Variants in SLC45A1 observed in about 807,000 individuals in gnomAD.
SLC45A1 encodes solute carrier family 45 member 1, also known as proton-associated sugar transporter A.
In SLC45A1, 28 loss-of-function variants were observed where a neutral mutation model predicts 57.6. The ratio of observed to expected loss-of-function variants is 0.49; its 90% CI spans 0.36 to 0.67. SLC45A1 has a LOEUF of 0.67. SLC45A1 is among the 30% of genes least tolerant of loss of function. The pLI is 0.00. For synonymous variants in SLC45A1, 459 were observed against 471.5 expected (o/e 0.97, Z 0.34); for missense variants, 814 against 1,041.5 (o/e 0.78, Z 3.01).
At position 8,324,086 on chromosome 1, in the gene SLC45A1, G is replaced by A. The variant is rs559878623; in HGVS notation, c.-24-220G>A. Among the ~76,000 whole-genome samples the A allele has an allele frequency of 7.2e-5, 11 of 152,228 alleles. 1 individual carries two copies. The South Asian group carries it at 1.2e-3, about 17-fold the overall frequency. On this transcript the variant is annotated intron_variant, in intron 1 of 8. Coordinates refer to ENST00000471889, the MANE Select transcript of SLC45A1 (RefSeq NM_001080397.3). ...AGTTTGAGGTGGGGACCTGCAGGAC[G>A]GGGGTCCTCTCTCTGAGTAGGGAAG...
intron 1 of SLC45A1, among the ~76,000 whole-genome samples, chr1:8,322,118 AC>A (rs1435797348): frequency 2.3e-5 from 1 of 43,700 alleles, no homozygotes; most frequent in Non-Finnish European, 4.3e-5. Flanking sequence ...TGAATTGGTG[AC>A]TGAGTGGGTG....
intron 6 of SLC45A1, among the ~76,000 whole-genome samples, chr1:8,337,467 G>A (rs1392122999): frequency 1.3e-5 from 2 of 152,168 alleles, no homozygotes; most frequent in African/African-American, 2.4e-5. Flanking sequence ...CGCCCGGGCT[G>A]GAGGGCAGTG....
chr1:8,319,094 A>C (rs1639912160), intron 1 of SLC45A1, among the ~76,000 whole-genome samples: 2 of 152,212 alleles, frequency 1.3e-5, no homozygotes, highest in Non-Finnish European at 2.9e-5. Flanking sequence ...CAGCCTGGCC[A>C]ACATGGTGAA....
At position 8,336,315 on chromosome 1, in the gene SLC45A1, C is replaced by T. The variant is rs528741770; in HGVS notation, c.1597+725C>T. ...ATCCCAGCTACTTGGGAGGCTGAGG[C>T]AGGAGAATCGCTTGAACTCGGGAGG... is the stretch of plus-strand genomic sequence containing the variant. On this transcript the variant is annotated intron_variant, in intron 6 of 8. Transcript: ENST00000471889. Among the ~76,000 whole-genome samples, 13 of 151,148 alleles carry T rather than the reference C, an allele frequency of 8.6e-5. No individual in the cohort carries two copies. In the East Asian group the frequency reaches 2.3e-3, roughly 27 times the overall value.
chr1:8,338,122 C>A (rs561328806), intron 7 of SLC45A1, 130 bp downstream of exon 7: 1 of 845,870 alleles, frequency 1.2e-6, no homozygotes, highest in East Asian at 2.7e-5. Context: ...ACGCCACTGT[C>A]TTTCCCGGCT....
At chr1:8,336,881 C>T (rs1011326283) in intron 6 of SLC45A1, among the ~76,000 whole-genome samples, 2 of 152,206 alleles carry the variant, frequency 1.3e-5, no homozygotes, top group Non-Finnish European at 2.9e-5. Flanking sequence ...TCCGCCAGCA[C>T]ATCCATGTCT....
chr1:8,341,226 G>A (rs1437574983), intron 8 of SLC45A1, among the ~76,000 whole-genome samples: 2 of 148,068 alleles, frequency 1.4e-5, no homozygotes, highest in African/African-American at 2.5e-5. Context: ...AGAGTAAGAG[G>A]GACAATGAAT....
In SLC45A1 at chr1:8,335,689, C is replaced by T. The variant is rs1414964487; in HGVS notation, c.1597+99C>T. The T allele has an allele frequency of 7.5e-7, 1 of 1,332,146 alleles. No individual in the cohort carries two copies. Among genetic ancestry groups the T allele is most frequent in the Non-Finnish European group, 1.0e-6 (1 of 995,188 alleles). The allele number at this position is 1,332,146 out of a possible 1,614,324, so 82.5% of individuals were successfully genotyped here. On this transcript the variant is annotated intron_variant, in intron 6 of 8. Transcript: ENST00000471889. This position sits in a 1 kb window ranked among gnomAD's most constrained non-coding sequence, Gnocchi z 4.1. ...GCCCCTGAGCCTCCCTTCCCAGAAC[C>T]TTTCTGAGTTCACCAGCCCCCAACA...
At chr1:8,339,003 C>T (rs182533275) in intron 7 of SLC45A1, among the ~76,000 whole-genome samples, 2 of 152,248 alleles carry the variant, frequency 1.3e-5, no homozygotes, top group East Asian at 1.9e-4. Context: ...GGCCTTGGGG[C>T]GTGGGGAACT....
At chr1:8,320,721 A>T (rs1639985881) in intron 1 of SLC45A1, among the ~76,000 whole-genome samples, 1 of 150,158 alleles carries the variant, frequency 6.7e-6, no homozygotes, top group Non-Finnish European at 1.5e-5. Flanking sequence ...ACACACACAC[A>T]CACACACACA....
chr1:8,333,403 C>G (rs1640480843), intron 5 of SLC45A1, among the ~76,000 whole-genome samples: 1 of 151,978 alleles, frequency 6.6e-6, no homozygotes, highest in South Asian at 2.1e-4. Flanking sequence ...TCCCAAAGTG[C>G]TGGAATTAGA....
chr1:8,337,660 C>T (rs550645280), intron 6 of SLC45A1, among the ~76,000 whole-genome samples, 156 bp from the exon 7 acceptor site: 15 of 152,204 alleles, frequency 9.9e-5, no homozygotes, highest in East Asian at 5.8e-4. Context: ...CCCTGTGATC[C>T]GCCCGCCTCA....
chr1:8,322,723 A>G (rs923485092), intron 1 of SLC45A1, among the ~76,000 whole-genome samples: 1 of 152,206 alleles, frequency 6.6e-6, no homozygotes, highest in African/African-American at 2.4e-5. Flanking sequence ...CGTGATATTT[A>G]TCTTGGTCAA....
intron 1 of SLC45A1, among the ~76,000 whole-genome samples, chr1:8,323,343 T>G (rs1640090748): frequency 6.6e-6 from 1 of 151,882 alleles, no homozygotes; most frequent in Non-Finnish European, 1.5e-5. Flanking sequence ...ATACAAAAAT[T>G]AGCTGGGCGT....
chr1:8,341,779 G>A (rs1640826304), intron 8 of SLC45A1, among the ~76,000 whole-genome samples: 1 of 151,856 alleles, frequency 6.6e-6, no homozygotes, highest in African/African-American at 2.4e-5. Context: ...AATTAGCCAG[G>A]CATGGTGGCC....
Position 8,343,188 on chromosome 1 carries a change from G to A in SLC45A1, c.1981-559G>A, listed in dbSNP as rs1259455094. 6.6e-6 allele frequency among the ~76,000 whole-genome samples: 1 copy of A among 152,072 alleles called. No individual in the cohort carries two copies. The highest frequency in any genetic ancestry group is 1.9e-4 in the East Asian group (1 of 5,154). On this transcript the variant is annotated intron_variant, in intron 8 of 8. Transcript: ENST00000471889. This position sits in a 1 kb window ranked among gnomAD's most constrained non-coding sequence, Gnocchi z 7.7. ...TGCTGGGGGAGCCCAGTGAGGGAAA[G>A]CCATGCCACCGCTCCCCACCGTCAC...
intron 1 of SLC45A1, among the ~76,000 whole-genome samples, chr1:8,319,043 G>T (rs1639910168): frequency 6.6e-6 from 1 of 152,158 alleles, no homozygotes; most frequent in Non-Finnish European, 1.5e-5. Flanking sequence ...CACTTTGGGA[G>T]GCTGAGTCGG....
At position 8,330,609 on chromosome 1, in the gene SLC45A1, C is replaced by T; in HGVS notation, c.1116C>T (p.Asn372=). ...SEFASSFGTA[N]IDSVLIDCFT... is the part of the protein sequence containing the mutation. ...TCGCCTCATCCTTTGGCACGGCCAA[C>T]ATAGACAGCGTCCTCATTGACTGCT... The change falls in exon 5 of 9, where the codon AAC becomes AAT. Residue 372 remains asparagine, a synonymous_variant. Transcript: ENST00000471889. The surrounding 1 kb of genome is among the most constrained non-coding windows in gnomAD (Gnocchi z 8.4). 1 of 1,613,662 alleles carries T rather than the reference C, an allele frequency of 6.2e-7. No individual in the cohort carries two copies. The highest frequency in any genetic ancestry group is 1.7e-5 in the Admixed American group (1 of 60,036).
chr1:8,318,424 C>G (rs532802947), intron 1 of SLC45A1, among the ~76,000 whole-genome samples: 2 of 152,352 alleles, frequency 1.3e-5, no homozygotes, highest in South Asian at 2.1e-4. Context: ...GGCAGGTGCT[C>G]TCATCCTTGC....
Sources: allele counts gnomAD v4.1 joint callset (sites outside exome capture counted in the v4.1 genomes callset), GRCh38; gene constraint gnomAD v4.1.1; non-coding constraint Gnocchi (gnomAD v3.1); transcripts MANE v1.5; gene names NCBI Gene and HGNC (gene_info 2026-07-23, HGNC 2026-07-21).